ZNF879: variants seen among roughly 807,000 people sequenced by gnomAD.
ZNF879 encodes zinc finger protein 879.
ZNF879 carries 32 observed loss-of-function variants against 44.3 expected under a neutral mutation model. The ratio of observed to expected loss-of-function variants is 0.72; its 90% CI spans 0.54 to 0.97. The LOEUF (loss-of-function observed/expected upper bound fraction) is 0.97, where lower values mean the gene tolerates loss of function less well. ZNF879 is among the 50% of genes least tolerant of loss of function. The pLI is 0.00. For missense variants in ZNF879, 621 were observed against 669.7 expected (o/e 0.93, Z 0.80); for synonymous variants, 234 against 233.2 (o/e 1.00, Z -0.03).
At chr5:179,029,098 C>CT (rs1561735057) in intron 4 of ZNF879, among the ~76,000 whole-genome samples, 74 of 142,874 alleles carry the variant, frequency 5.2e-4, no homozygotes, top group African/African-American at 1.7e-3. Context: ...ATTCTGGCAT[C>CT]TGTTTTTTTT....
rs1263072125 is a variant in ZNF879 at position 179,033,549 on chromosome 5, A to G, written c.1601A>G (p.His534Arg). The change falls in exon 5 of 5, where the codon CAT becomes CGT. Residue 534 changes from histidine (H) to arginine (R), a missense_variant. Coordinates refer to ENST00000444149, the MANE Select transcript of ZNF879 (RefSeq NM_001136116.3). ...SSSLMTHMRI[H>R]TGEKPYKCKE... ...TCCCTTATGACACACATGAGAATTC[A>G]TACAGGGGAAAAACCTTATAAATGT... 1 of 1,553,444 alleles carries G rather than the reference A, an allele frequency of 6.4e-7. No individual in the cohort carries two copies. The highest frequency in any genetic ancestry group is 1.2e-5 in the South Asian group (1 of 84,130).
chr5:179,032,198 A>G lies in ZNF879; in HGVS notation c.257-7A>G. ...CAAGAGAGACTTATATGTTTTGTCT[A>G]CTTTAGGATGGGAAAGCTTGTTTGG... On this transcript the variant is annotated splice_polypyrimidine_tract_variant and splice_region_variant and intron_variant, in intron 4 of 4. Transcript: ENST00000444149. 2.7e-6 allele frequency: 4 copies of G among 1,495,848 alleles called. No individual in the cohort carries two copies. Among genetic ancestry groups the G allele is most frequent in the Admixed American group, 2.6e-5 (1 of 38,010 alleles). 92.7% of individuals were successfully genotyped at this position (1,495,848 alleles called of 1,614,324 possible). A position where few individuals can be genotyped will look rare whatever the true frequency, so the allele number is the denominator to read the frequency against.
At chr5:179,029,772 TGAGA>T (rs1036304489) in intron 4 of ZNF879, among the ~76,000 whole-genome samples, 20 of 152,162 alleles carry the variant, frequency 1.3e-4, no homozygotes, top group Admixed American at 5.9e-4. Flanking sequence ...ACAGACACAG[TGAGA>T]GAGAGATACA....
Position 179,033,518 on chromosome 5 carries a change from A to T in ZNF879, c.1570A>T (p.Ser524Cys). 6.4e-7 allele frequency: 1 copy of T among 1,556,920 alleles called. No individual in the cohort carries two copies. The highest frequency in any genetic ancestry group is 8.7e-7 in the Non-Finnish European group (1 of 1,150,250). ...AGTGTGTGGGAAAGCCTTCAGACAG[A>T]GTTCATCCCTTATGACACACATGAG... The part of the protein sequence containing the change: ...CKVCGKAFRQ[S>C]SSLMTHMRIH... The change falls in exon 5 of 5, where the codon AGT (serine) becomes TGT (cysteine). Residue 524 changes from serine to cysteine, a missense_variant. Transcript: ENST00000444149.
At chr5:179,024,645 A>C in intron 1 of ZNF879, 2 of 233,824 alleles carry the variant, frequency 8.6e-6, no homozygotes, top group East Asian at 8.6e-5. Context: ...GATGTGTGGA[A>C]TATTGTGTCA....
intron 2 of ZNF879, among the ~76,000 whole-genome samples, chr5:179,026,687 C>T (rs544882672): frequency 6.6e-6 from 1 of 152,176 alleles, no homozygotes; most frequent in Admixed American, 6.5e-5. Context: ...TGAGGTCTCT[C>T]TATGTTGCCC....
chr5:179,024,888 T>C, intron 1 of ZNF879, 82 bp from the exon 2 acceptor site: 1 of 1,123,394 alleles, frequency 8.9e-7, no homozygotes, highest in Non-Finnish European at 1.3e-6. Flanking sequence ...GCTCAGCTTA[T>C]GGCTTCTAAC....
intron 2 of ZNF879, among the ~76,000 whole-genome samples, chr5:179,027,054 T>C (rs1370611338): frequency 6.6e-6 from 1 of 152,142 alleles, no homozygotes; most frequent in Non-Finnish European, 1.5e-5. Context: ...ATGGCCCGAG[T>C]TGAGGCAGAA....
intron 2 of ZNF879, among the ~76,000 whole-genome samples, chr5:179,027,042 A>G (rs1361731600): frequency 6.6e-6 from 1 of 152,172 alleles, no homozygotes; most frequent in Non-Finnish European, 1.5e-5. Flanking sequence ...GGACTCATAG[A>G]GATGGCCCGA....
At chr5:179,026,050 A>C (rs1254379015) in intron 2 of ZNF879, among the ~76,000 whole-genome samples, 4 of 148,210 alleles carry the variant, frequency 2.7e-5, no homozygotes, top group Non-Finnish European at 4.4e-5. Context: ...GTGCCATTGC[A>C]CTCCAGCCTG....
At chr5:179,027,906 A>G in intron 3 of ZNF879, 126 bp from the exon 4 acceptor site, 1 of 845,304 alleles carries the variant, frequency 1.2e-6, no homozygotes, top group Non-Finnish European at 1.9e-6. Context: ...GTCCTCTAGG[A>G]GCCCAGTTTG....
At chr5:179,031,146 T>C (rs1020725044) in intron 4 of ZNF879, among the ~76,000 whole-genome samples, 1 of 152,332 alleles carries the variant, frequency 6.6e-6, no homozygotes, top group African/African-American at 2.4e-5. Flanking sequence ...GTTCTCTTTC[T>C]CCCCGGCCCC....
intron 2 of ZNF879, 169 bp from the exon 3 acceptor site, chr5:179,027,304 G>A: frequency 1.1e-6 from 1 of 901,848 alleles, no homozygotes. Flanking sequence ...CTTCCTGAGG[G>A]GACGGTGTTT....
chr5:179,028,970 G>A (rs991825931), intron 4 of ZNF879, among the ~76,000 whole-genome samples: 2 of 151,996 alleles, frequency 1.3e-5, no homozygotes, highest in South Asian at 2.1e-4. Context: ...CCTTTGGCTC[G>A]ACTAGAATAT....
rs1452137719 is a variant in ZNF879, at chr5:179,034,411, A to G, written c.*771A>G. 6.6e-6 allele frequency: 1 copy of G among 152,240 alleles called. No homozygotes were observed. Among genetic ancestry groups the G allele is most frequent in the Admixed American group, 6.5e-5 (1 of 15,290 alleles). The allele number at this position is 152,240 out of a possible 1,614,324, so 9.4% of individuals were successfully genotyped here. A position where few individuals can be genotyped will look rare whatever the true frequency, so the allele number is the denominator to read the frequency against. On this transcript the variant is annotated 3_prime_UTR_variant, in exon 5 of 5. Coordinates refer to ENST00000444149, the MANE Select transcript of ZNF879 (RefSeq NM_001136116.3). Reference sequence around the variant, plus strand: ...CACTGCTTTTGCAATTTACTGAAAAATGTTATAAATTATCTCAGAATGTAG... The same window carrying G: ...CACTGCTTTTGCAATTTACTGAAAAGTGTTATAAATTATCTCAGAATGTAG...
chr5:179,027,265 G>A (rs1028987090), intron 2 of ZNF879, among the ~76,000 whole-genome samples: 7 of 152,200 alleles, frequency 4.6e-5, no homozygotes, highest in African/African-American at 1.2e-4. Context: ...GGGTTCAAGT[G>A]CTTCTCTTGG....
At chr5:179,027,622 C>G (rs537840440) in intron 3 of ZNF879, 23 bp downstream of exon 3, 7 of 1,611,756 alleles carry the variant, frequency 4.3e-6, no homozygotes, top group Admixed American at 1.7e-5. Flanking sequence ...CCTCCTGATG[C>G]AGAATCTGCC....
At chr5:179,024,948 A>G (rs1761222861) in intron 1 of ZNF879, 22 bp from the exon 2 acceptor site, 2 of 1,543,190 alleles carry the variant, frequency 1.3e-6, no homozygotes, top group South Asian at 2.4e-5. Context: ...AAAAGACCTC[A>G]CAGCTTTTTT....
At chr5:179,025,988 G>A (rs1057375863) in intron 2 of ZNF879, among the ~76,000 whole-genome samples, 1 of 151,570 alleles carries the variant, frequency 6.6e-6, no homozygotes, top group South Asian at 2.1e-4. Flanking sequence ...CGGAGGCTGA[G>A]GCAGGAGAAT....
Sources: allele counts gnomAD v4.1 joint callset (sites outside exome capture counted in the v4.1 genomes callset), GRCh38; gene constraint gnomAD v4.1.1; transcripts MANE v1.5; gene names NCBI Gene and HGNC (gene_info 2026-07-23, HGNC 2026-07-21).